Variants in VWA8 observed in about 807,000 individuals in gnomAD.
The protein encoded by VWA8 is von Willebrand factor A domain containing 8.
VWA8 carries 221 observed loss-of-function variants against 241.5 expected under a neutral mutation model. The observed-to-expected ratio is 0.91, with a 90% confidence interval of 0.82 to 1.02. The LOEUF is 1.02. VWA8 is among the 50% of genes least tolerant of loss of function. The pLI, the probability that VWA8 is intolerant of heterozygous loss-of-function variation, is 0.00. For synonymous variants in VWA8, 852 were observed against 827.1 expected (o/e 1.03, Z -0.52); for missense variants, 2,322 against 2,328.7 (o/e 1.00, Z 0.06).
intron 26 of VWA8, among the ~76,000 whole-genome samples, chr13:41,710,712 T>C (rs1023728703): frequency 2.0e-5 from 3 of 152,196 alleles, no homozygotes; most frequent in Admixed American, 6.5e-5. Flanking sequence ...TTATGACATA[T>C]AATAATTCGG....
At chr13:41,658,039 G>C (rs149431680) in intron 37 of VWA8, among the ~76,000 whole-genome samples, 2 of 152,234 alleles carry the variant, frequency 1.3e-5, no homozygotes. Flanking sequence ...TCTTTACAGA[G>C]AGACTTCTCA....
intron 1 of VWA8, among the ~76,000 whole-genome samples, chr13:41,959,442 G>A (rs1394800780): frequency 2.7e-5 from 3 of 112,622 alleles, no homozygotes; most frequent in Non-Finnish European, 5.5e-5. Context: ...CACAAAAAAT[G>A]TAAAAAACAA....
intron 9 of VWA8, among the ~76,000 whole-genome samples, chr13:41,868,842 C>T (rs569244017): frequency 4.6e-4 from 62 of 135,578 alleles, no homozygotes; most frequent in Non-Finnish European, 3.6e-4. Flanking sequence ...GAGCCGAGAT[C>T]GCGCCACTGC....
At chr13:41,950,127 G>A (rs771139724) in intron 1 of VWA8, 114 bp from the exon 2 acceptor site, 15 of 574,112 alleles carry the variant, frequency 2.6e-5, no homozygotes, top group South Asian at 1.7e-4. Flanking sequence ...AATGTACTAC[G>A]CAGCTGTCTA....
rs1290474888 is a variant in VWA8, at chr13:41,907,567, AG to A, written c.483+18del. 6.2e-7 allele frequency: 1 copy of A among 1,605,562 alleles called. No homozygotes were observed. Among genetic ancestry groups the A allele is most frequent in the Non-Finnish European group, 8.5e-7 (1 of 1,172,276 alleles). On this transcript the variant is annotated intron_variant, in intron 4 of 44. Transcript: ENST00000379310. Reference sequence around the variant, plus strand: ...GACCTGGAGTACACAGTCATGGGCTAGAGTGTGACAGAACTTGCCTGATCAA... The same window carrying A: ...GACCTGGAGTACACAGTCATGGGCTAAGTGTGACAGAACTTGCCTGATCAA...
chr13:41,766,416 A>G (rs2045779539), intron 20 of VWA8, among the ~76,000 whole-genome samples: 1 of 152,200 alleles, frequency 6.6e-6, no homozygotes, highest in Non-Finnish European at 1.5e-5. Flanking sequence ...ATTTGGACTA[A>G]ATGTTGGGAC....
Position 41,819,372 on chromosome 13 carries a change from A to G in VWA8, c.1715T>C (p.Ile572Thr). The change falls in exon 15 of 45, where the codon ATC becomes ACC. Residue 572 changes from isoleucine (I) to threonine (T), a missense_variant. Transcript: ENST00000379310. ...GGCAATGATTCTGAAGGAGGGATGG[A>G]TAGGAAAAATGGATCTAAAATAGGA... Reference protein sequence around the residue: ...EQLQKRSIFPIHPSFRIIALA... With the variant: ...EQLQKRSIFPTHPSFRIIALA... 1.2e-6 allele frequency: 2 copies of G among 1,601,610 alleles called. No individual in the cohort carries two copies. The highest frequency in any genetic ancestry group is 1.7e-6 in the Non-Finnish European group (2 of 1,177,206).
intron 23 of VWA8, among the ~76,000 whole-genome samples, chr13:41,729,193 G>C (rs2045460981): frequency 6.6e-6 from 1 of 151,380 alleles, no homozygotes; most frequent in African/African-American, 2.4e-5. Flanking sequence ...AAAATAAAAA[G>C]TCCAGCTTTT....
rs766444003 is a variant in VWA8 at position 41,721,554 on chromosome 13, G to T, written c.2780C>A (p.Ala927Glu). ...GTLGDIFSCHAVDNPKPHSEL... is the reference protein window; with the variant it reads ...GTLGDIFSCHEVDNPKPHSEL... ...CGAGTGGGGTTTGGGGTTATCAACTGCATGGCAGCTAAAAATATCACCTAA... is the reference window on the plus strand; with the variant it reads ...CGAGTGGGGTTTGGGGTTATCAACTTCATGGCAGCTAAAAATATCACCTAA... The change falls in exon 25 of 45, where the codon GCA becomes GAA. Residue 927 changes from alanine (A) to glutamate (E), a missense_variant. Coordinates refer to ENST00000379310, the MANE Select transcript of VWA8 (RefSeq NM_015058.2). 9.3e-6 allele frequency: 15 copies of T among 1,612,746 alleles called. No individual in the cohort carries two copies. The highest frequency in any genetic ancestry group is 1.3e-5 in the African/African-American group (1 of 74,826).
intron 21 of VWA8, among the ~76,000 whole-genome samples, chr13:41,743,269 T>C (rs2045581597): frequency 6.6e-6 from 1 of 152,186 alleles, no homozygotes; most frequent in Non-Finnish European, 1.5e-5. Context: ...GCTGAGTTCT[T>C]AACCAGGAGG....
intron 37 of VWA8, among the ~76,000 whole-genome samples, chr13:41,633,932 C>T (rs932420174): frequency 1.3e-5 from 2 of 152,146 alleles, no homozygotes; most frequent in Non-Finnish European, 2.9e-5. Flanking sequence ...CCAACAAGTT[C>T]CCCTGCCTCT....
chr13:41,611,421 C>T (rs559982054), intron 39 of VWA8, among the ~76,000 whole-genome samples, 155 bp downstream of exon 39: 6 of 152,128 alleles, frequency 3.9e-5, no homozygotes, highest in South Asian at 2.1e-4. Context: ...TGGCTGTTTC[C>T]GTTAGGGACG....
intron 37 of VWA8, among the ~76,000 whole-genome samples, chr13:41,616,083 C>G (rs1008275387): frequency 1.3e-5 from 2 of 152,158 alleles, no homozygotes; most frequent in African/African-American, 4.8e-5. Flanking sequence ...AACAAGAGAG[C>G]TTACAAATAA....
chr13:41,730,804 T>C (rs2045476801), intron 22 of VWA8, among the ~76,000 whole-genome samples: 1 of 151,994 alleles, frequency 6.6e-6, no homozygotes, highest in African/African-American at 2.4e-5. Context: ...TGGTATATTT[T>C]AAGAAAACAC....
intron 37 of VWA8, among the ~76,000 whole-genome samples, chr13:41,668,157 A>G (rs1483176244): frequency 6.6e-6 from 1 of 152,226 alleles, no homozygotes; most frequent in Non-Finnish European, 1.5e-5. Flanking sequence ...GCTATGATGC[A>G]GAGGAATCAG....
At chr13:41,658,046 C>G (rs1455022885) in intron 37 of VWA8, among the ~76,000 whole-genome samples, 3 of 152,208 alleles carry the variant, frequency 2.0e-5, no homozygotes, top group Non-Finnish European at 4.4e-5. Flanking sequence ...AGAGAGACTT[C>G]TCAAAGCCAG....
At chr13:41,837,450 A>G (rs753734865) in intron 12 of VWA8, among the ~76,000 whole-genome samples, 3 of 144,724 alleles carry the variant, frequency 2.1e-5, no homozygotes, top group Non-Finnish European at 4.5e-5. Context: ...TTCACAGAAC[A>G]ACTGAATCTA....
rs749601968 is a variant in VWA8, at chr13:41,568,326, AG to A, written c.5610-22del. The A allele has an allele frequency of 2.5e-6, 4 of 1,607,574 alleles. No individual in the cohort carries two copies. In the South Asian group the frequency reaches 3.3e-5, roughly 13 times the overall value. Reference sequence around the variant, plus strand: ...GAAGCCTGCCAGGATGGAAAGGGAAAGGAAGTTACCACTGTAAATGGGGCTC... The same window carrying A: ...GAAGCCTGCCAGGATGGAAAGGGAAAGAAGTTACCACTGTAAATGGGGCTC... On this transcript the variant is annotated intron_variant, in intron 44 of 44. Transcript: ENST00000379310.
rs189007891 is a variant in VWA8 at position 41,767,666 on chromosome 13, C to T, written c.2350-6462G>A. On this transcript the variant is annotated intron_variant, in intron 20 of 44. Coordinates refer to ENST00000379310, the MANE Select transcript of VWA8 (RefSeq NM_015058.2). ...GTCAGAAGTCAGATTAGAAAACACA[C>T]ATTTCAATTACATTACTAGTTTGCA... Among the ~76,000 whole-genome samples, 4 of 152,338 alleles carry T rather than the reference C, an allele frequency of 2.6e-5. No homozygotes were observed. In the East Asian group the frequency reaches 5.8e-4, roughly 22 times the overall value.
Sources: allele counts gnomAD v4.1 joint callset (sites outside exome capture counted in the v4.1 genomes callset), GRCh38; gene constraint gnomAD v4.1.1; transcripts MANE v1.5; gene names NCBI Gene and HGNC (gene_info 2026-07-23, HGNC 2026-07-21).